GLIS3: variants seen among roughly 807,000 people sequenced by gnomAD.
GLIS3 encodes the protein zinc finger protein GLIS3.
In GLIS3, 53 loss-of-function variants were observed where a neutral mutation model predicts 78.6. The observed-to-expected ratio is 0.67, with a 90% CI of 0.54 to 0.85. The LOEUF is 0.85. Among genes scored for constraint, GLIS3 ranks in the 40% least tolerant of loss-of-function variants. The pLI is 0.00. For synonymous variants in GLIS3, 684 were observed against 509.9 expected, an observed-to-expected ratio of 1.34 and a Z score of -4.60; for missense variants, 1,703 against 1,231.1, an observed-to-expected ratio of 1.38 and a Z score of -5.74.
At position 4,172,419 on chromosome 9, in the gene GLIS3, C is replaced by T. The variant is rs201902641; in HGVS notation, c.389-46478G>A. On this transcript the variant is annotated intron_variant, in intron 2 of 10. Transcript: ENST00000381971. ...GCAAGCAGTTTCTCCTTGTTTTGTA[C>T]AGTACATTAATTGGGAATCTGGAGT... 5.9e-5 allele frequency among the ~76,000 whole-genome samples: 9 copies of T among 152,214 alleles called. No individual in the cohort carries two copies. In the East Asian group the frequency reaches 1.7e-3, roughly 29 times the overall value.
At chr9:4,125,646 G>GTC in intron 3 of GLIS3, 88 bp downstream of exon 3, 11 of 875,214 alleles carry the variant, frequency 1.3e-5, no homozygotes, top group Non-Finnish European at 1.9e-5. Context: ...GTGTGTGTGT[G>GTC]TGTGTGTGTA....
chr9:3,856,700 G>A (rs1819816736), intron 8 of GLIS3, among the ~76,000 whole-genome samples: 1 of 152,136 alleles, frequency 6.6e-6, no homozygotes, highest in Non-Finnish European at 1.5e-5. Context: ...CAATGCATTT[G>A]CTTTTGCCAA....
At chr9:4,287,133 G>A (rs1231788897) in intron 1 of GLIS3, among the ~76,000 whole-genome samples, 2 of 152,058 alleles carry the variant, frequency 1.3e-5, no homozygotes, top group Non-Finnish European at 2.9e-5. Flanking sequence ...TTAGAGTCTT[G>A]GTTCCATAAT....
At chr9:3,914,115 T>G in intron 6 of GLIS3, among the ~76,000 whole-genome samples, 1 of 146,682 alleles carries the variant, frequency 6.8e-6, no homozygotes, top group East Asian at 2.0e-4. Flanking sequence ...CCGAAATTTT[T>G]TTTAAAAAGA....
At chr9:4,353,866 C>G in the GLIS3 span, among the ~76,000 whole-genome samples, 1 of 152,104 alleles carries the variant, frequency 6.6e-6, no homozygotes, top group African/African-American at 2.4e-5. Flanking sequence ...GGAAATCTGT[C>G]GCCCAGGATG....
chr9:4,186,937 C>T (rs141365208), intron 2 of GLIS3, among the ~76,000 whole-genome samples: 2 of 152,106 alleles, frequency 1.3e-5, no homozygotes, highest in African/African-American at 2.4e-5. Context: ...TTCTCCCATT[C>T]TGTAGGTTGC....
intron 7 of GLIS3, among the ~76,000 whole-genome samples, chr9:3,894,027 G>T (rs1822643270): frequency 6.6e-6 from 1 of 152,148 alleles, no homozygotes; most frequent in South Asian, 2.1e-4. Flanking sequence ...TACAAAAACT[G>T]CAAGGTTTTG....
chr9:4,048,635 C>T (rs1396057427), intron 4 of GLIS3, among the ~76,000 whole-genome samples: 8 of 152,126 alleles, frequency 5.3e-5, no homozygotes, highest in Admixed American at 2.0e-4. Flanking sequence ...AGCACAAAAG[C>T]ATCTTTTAAG....
intron 2 of GLIS3, among the ~76,000 whole-genome samples, chr9:4,266,865 A>G (rs1022621220): frequency 6.6e-6 from 1 of 152,204 alleles, no homozygotes; most frequent in African/African-American, 2.4e-5. Flanking sequence ...AACATCAAAT[A>G]TAACATTTGG....
At chr9:4,180,089 G>A (rs1285730461) in intron 2 of GLIS3, among the ~76,000 whole-genome samples, 1 of 152,044 alleles carries the variant, frequency 6.6e-6, no homozygotes, top group Non-Finnish European at 1.5e-5. Flanking sequence ...GTTATCAATG[G>A]TTACCTATGT....
chr9:4,397,815 C>T, the GLIS3 span, among the ~76,000 whole-genome samples: 2 of 151,656 alleles, frequency 1.3e-5, no homozygotes, highest in East Asian at 3.9e-4. Context: ...AAATTACATA[C>T]ACGAAAGCAC....
chr9:4,124,861 C>G (rs1270464694), intron 3 of GLIS3, among the ~76,000 whole-genome samples: 1 of 152,196 alleles, frequency 6.6e-6, no homozygotes, highest in African/African-American at 2.4e-5. Flanking sequence ...TATGGCAGAA[C>G]TAGGACTAAG....
chr9:3,976,181 G>T (rs1445774832), intron 4 of GLIS3, among the ~76,000 whole-genome samples: 1 of 152,174 alleles, frequency 6.6e-6, no homozygotes, highest in Non-Finnish European at 1.5e-5. Context: ...TATTTAAAGG[G>T]AAATGACACC....
At chr9:4,194,686 C>G (rs1363889402) in intron 2 of GLIS3, among the ~76,000 whole-genome samples, 1 of 152,162 alleles carries the variant, frequency 6.6e-6, no homozygotes, top group African/African-American at 2.4e-5. Context: ...GGCAGCATCT[C>G]GCTGATAAAA....
At chr9:4,008,156 G>A (rs1425643037) in intron 4 of GLIS3, among the ~76,000 whole-genome samples, 1 of 152,172 alleles carries the variant, frequency 6.6e-6, no homozygotes, top group Non-Finnish European at 1.5e-5. Flanking sequence ...GGCTGAGAGT[G>A]GGCTTGGCCT....
the GLIS3 span, among the ~76,000 whole-genome samples, chr9:4,396,710 T>C: frequency 2.6e-5 from 4 of 152,222 alleles, no homozygotes; most frequent in African/African-American, 9.7e-5. Context: ...GATATGTATA[T>C]GTACAGACAT....
At chr9:4,337,404 A>G (rs1364765807) in intron 2 of GLIS3, among the ~76,000 whole-genome samples, 2 of 152,258 alleles carry the variant, frequency 1.3e-5, no homozygotes, top group African/African-American at 2.4e-5. Context: ...AATTAATGAC[A>G]TAGGAAATGT....
intron 6 of GLIS3, among the ~76,000 whole-genome samples, chr9:3,920,716 A>G (rs1824830183): frequency 6.6e-6 from 1 of 150,498 alleles, no homozygotes. Context: ...TTGCTTATGT[A>G]CACATGAGGA....
chr9:4,274,532 A>ATT (rs1826813145), intron 2 of GLIS3, among the ~76,000 whole-genome samples: 1 of 152,146 alleles, frequency 6.6e-6, no homozygotes, highest in Admixed American at 6.5e-5. Context: ...CCAGAAGCAG[A>ATT]GGGTGGCAAT....
Sources: allele counts gnomAD v4.1 joint callset (sites outside exome capture counted in the v4.1 genomes callset), GRCh38; gene constraint gnomAD v4.1.1; transcripts MANE v1.5; gene names NCBI Gene and HGNC (gene_info 2026-07-23, HGNC 2026-07-21).